Variants in IGSF22 observed in about 807,000 individuals in gnomAD.
The protein encoded by IGSF22 is immunoglobulin superfamily member 22.
In IGSF22, 119 loss-of-function variants were observed where a neutral mutation model predicts 127.0. The ratio of observed to expected loss-of-function variants is 0.94; its 90% CI spans 0.81 to 1.09. The LOEUF is 1.09. IGSF22 is among the 50% of genes least tolerant of loss of function. IGSF22 has a pLI of 0.00. For missense variants in IGSF22, 1,518 were observed against 1,716.6 expected (o/e 0.88, Z 2.04); for synonymous variants, 568 against 664.7 (o/e 0.85, Z 2.24).
At chr11:18,719,170 A>C (rs974278295) in intron 7 of IGSF22, among the ~76,000 whole-genome samples, 11 of 152,152 alleles carry the variant, frequency 7.2e-5, no homozygotes, top group African/African-American at 2.7e-4. Flanking sequence ...TTTGAGACGG[A>C]GTCTTGCTCT....
chr11:18,723,972 A>G (rs1848612150), intron 2 of IGSF22, among the ~76,000 whole-genome samples, 156 bp downstream of exon 2: 2 of 152,250 alleles, frequency 1.3e-5, no homozygotes, highest in Admixed American at 6.5e-5. Flanking sequence ...GCTTTAACAA[A>G]GCCAAGATTA....
chr11:18,721,995 G>A lies in IGSF22; in HGVS notation c.156C>T (p.Ser52=), dbSNP rs765875255. 73 of 1,613,954 alleles carry A rather than the reference G, an allele frequency of 4.5e-5. No individual in the cohort carries two copies. Among genetic ancestry groups the A allele is most frequent in the Non-Finnish European group, 5.8e-5 (69 of 1,180,038 alleles). Residue 52 remains serine, a synonymous_variant, in exon 3 of 23, where the codon AGC becomes AGT. Coordinates refer to ENST00000513874, the MANE Select transcript of IGSF22 (RefSeq NM_173588.4). The stretch of plus-strand genomic sequence containing the variant: ...GGATGTTTGAGCTCCGGGTCACTAA[G>A]CTGAAGAACTCCACTATGCTCGAGG... The part of the protein sequence containing the change: ...RKSSSIVEFF[S]LVTRSSNIPA...
chr11:18,706,706 G>A, intron 21 of IGSF22: 2 of 505,750 alleles, frequency 4.0e-6, no homozygotes, highest in South Asian at 7.1e-5. Flanking sequence ...GCCCCCAAAG[G>A]TACCTCCCCA....
Position 18,704,710 on chromosome 11 carries a change from G to A in IGSF22, c.3911-172C>T. On this transcript the variant is annotated intron_variant, in intron 22 of 22. Coordinates refer to ENST00000513874, the MANE Select transcript of IGSF22 (RefSeq NM_173588.4). ...GCCATTTATCTAGCACTTAATATTT[G>A]CCAGACATTGTGCCAGGCAGTTGTG... 8.3e-6 allele frequency: 5 copies of A among 602,138 alleles called. No homozygotes were observed. The South Asian group carries it at 9.3e-5, about 11-fold the overall frequency. The allele number at this position is 602,138 out of a possible 1,614,324, so 37.3% of individuals were successfully genotyped here. A position where few individuals can be genotyped will look rare whatever the true frequency, so the allele number is the denominator to read the frequency against.
rs1848248410 is a variant in IGSF22 at position 18,706,977 on chromosome 11, T to A, written c.3517A>T (p.Asn1173Tyr). The A allele has an allele frequency of 6.5e-7, 1 of 1,545,572 alleles. No individual in the cohort carries two copies. Among genetic ancestry groups the A allele is most frequent in the African/African-American group, 1.4e-5 (1 of 72,944 alleles). ...RKYYFRVVAR[N>Y]EIGDSEPLDS... ...AGTGGCTCACTGTCACCGATTTCAT[T>A]CCGAGCCACCACTCTGAAGTAGTAC... The change falls in exon 21 of 23, where the codon AAT becomes TAT. Residue 1173 changes from asparagine to tyrosine, a missense_variant. Asn to Tyr is a moderately radical substitution (Grantham distance 143). Transcript: ENST00000513874.
Position 18,704,494 on chromosome 11 carries a change from G to T in IGSF22, c.3955C>A (p.Gln1319Lys). 2 of 1,550,750 alleles carry T rather than the reference G, an allele frequency of 1.3e-6. No homozygotes were observed. Among genetic ancestry groups the T allele is most frequent in the Non-Finnish European group, 1.7e-6 (2 of 1,146,424 alleles). The part of the protein sequence containing the change: ...SVVASITESL[Q>K]KKSKHLM The stretch of plus-strand genomic sequence containing the variant: ...CACATGAGGTGCTTTGATTTCTTCT[G>T]CAGACTCTCGGTGATGGATGCTACA... The change falls in exon 23 of 23, where the codon CAG becomes AAG. Residue 1319 changes from glutamine (Q) to lysine (K), a missense_variant. Gln to Lys is a moderately conservative substitution (Grantham distance 53). This residue lies in a region of IGSF22 where 58 missense variants were observed against 53.0 expected (regional missense o/e 1.10). Transcript: ENST00000513874.
chr11:18,721,944 G>A lies in IGSF22; in HGVS notation c.207C>T (p.Phe69=). 3.1e-6 allele frequency: 5 copies of A among 1,613,812 alleles called. No homozygotes were observed. Among genetic ancestry groups the A allele is most frequent in the East Asian group, 2.2e-5 (1 of 44,860 alleles). The change falls in exon 3 of 23, where the codon TTC becomes TTT. Residue 69 remains phenylalanine, a synonymous_variant. Transcript: ENST00000513874. ...CGGTGACCGGTTGAGGCTTCTCCACGAACTCAGGGACGCTGTCGCCCGCAG... is the reference window on the plus strand; with the variant it reads ...CGGTGACCGGTTGAGGCTTCTCCACAAACTCAGGGACGCTGTCGCCCGCAG... ...NIPAGDSVPE[F]VEKPQPVTAP...
rs1178274355 is a variant in IGSF22, at chr11:18,704,867, CAGATTTG to C, written c.3911-336_3911-330del. On this transcript the variant is annotated intron_variant, in intron 22 of 22. Coordinates refer to ENST00000513874, the MANE Select transcript of IGSF22 (RefSeq NM_173588.4). ...TGGGCCCATTTGCTGTGCTTACAAGCAGATTTGAGTTATCAGGGATCTCTTTAGCTGT... is the reference window on the plus strand; with the variant it reads ...TGGGCCCATTTGCTGTGCTTACAAGCAGTTATCAGGGATCTCTTTAGCTGT... The C allele has an allele frequency of 2.7e-5, 8 of 298,612 alleles. No individual in the cohort carries two copies. The East Asian group carries it at 5.2e-4, about 19-fold the overall frequency. 18.5% of individuals were successfully genotyped at this position (298,612 alleles called of 1,614,324 possible). A position where few individuals can be genotyped will look rare whatever the true frequency, so the allele number is the denominator to read the frequency against.
intron 22 of IGSF22, chr11:18,704,854 C>A (rs373109786): frequency 3.1e-6 from 1 of 319,808 alleles, no homozygotes; most frequent in Non-Finnish European, 6.0e-6. Flanking sequence ...GGCCCATTTG[C>A]TGTGCTTACA....
chr11:18,721,848 G>T, intron 3 of IGSF22, 62 bp downstream of exon 3: 1 of 1,579,334 alleles, frequency 6.3e-7, no homozygotes. Flanking sequence ...AGGACGGAGG[G>T]TGGGGGCACT....
Position 18,712,216 on chromosome 11 carries a change from T to C in IGSF22, c.2264A>G (p.Asp755Gly). The C allele has an allele frequency of 6.4e-7, 1 of 1,551,732 alleles. No homozygotes were observed. The highest frequency in any genetic ancestry group is 8.7e-7 in the Non-Finnish European group (1 of 1,147,006). Reference protein sequence around the residue: ...KKSWIKIGEVDGKVTNFSTNK... With the variant: ...KKSWIKIGEVGGKVTNFSTNK... ...GGTGGAGAAGTTGGTGACTTTGCCG[T>C]CCACCTCGCCTATCTTAATCCAGGA... The change falls in exon 15 of 23, where the codon GAC becomes GGC. Residue 755 changes from aspartate to glycine, a missense_variant. Around this residue, in one of 3 missense-constraint regions of IGSF22, gnomAD observed 1,456 missense variants for 1,644.9 expected, o/e 0.89. Coordinates refer to ENST00000513874, the MANE Select transcript of IGSF22 (RefSeq NM_173588.4).
chr11:18,712,889 C>G (rs919655794), intron 14 of IGSF22, among the ~76,000 whole-genome samples: 2 of 152,186 alleles, frequency 1.3e-5, no homozygotes, highest in Admixed American at 1.3e-4. Flanking sequence ...GATGGAAATG[C>G]AGGTAGAGGA....
chr11:18,726,019 G>A (rs1329494112), intron 1 of IGSF22, 55 bp downstream of exon 1: 2 of 152,330 alleles, frequency 1.3e-5, no homozygotes, highest in African/African-American at 4.8e-5. Flanking sequence ...AGTCCCCTCT[G>A]GGCTCAGAAG....
At position 18,707,029 on chromosome 11, in the gene IGSF22, T is replaced by C. The variant is rs1590434348; in HGVS notation, c.3465A>G (p.Thr1155=). ...TCCTGCCTGGGAGCAGCCCCGTCAC[T>C]GTGTACTTGTTGCTGAAGACACGCT... ...AAERVFSNKY[T]VTGLLPGRKY... is the part of the protein sequence containing the mutation. The change falls in exon 21 of 23, where the codon ACA becomes ACG. Residue 1155 remains threonine (T), a synonymous_variant. Transcript: ENST00000513874. 6.4e-7 allele frequency: 1 copy of C among 1,551,660 alleles called. No individual in the cohort carries two copies. Among genetic ancestry groups the C allele is most frequent in the East Asian group, 2.4e-5 (1 of 40,920 alleles).
chr11:18,721,499 C>T (rs1007982016), intron 4 of IGSF22, 36 bp downstream of exon 4: 19 of 1,613,800 alleles, frequency 1.2e-5, no homozygotes, highest in Admixed American at 1.7e-5. Context: ...TGCCTCTGGC[C>T]TTCTCGGTAA....
chr11:18,714,437 C>T lies in IGSF22; in HGVS notation c.1657-19G>A. The T allele has an allele frequency of 6.2e-7, 1 of 1,613,922 alleles. No homozygotes were observed. Among genetic ancestry groups the T allele is most frequent in the South Asian group, 1.1e-5 (1 of 91,064 alleles). ...CCGTGATCTGGGGGTCAGGGGTGGG[C>T]CTGAGTGTGAGCATAGGCCAGGTCT... On this transcript the variant is annotated intron_variant, in intron 12 of 22. Coordinates refer to ENST00000513874, the MANE Select transcript of IGSF22 (RefSeq NM_173588.4).
intron 14 of IGSF22, among the ~76,000 whole-genome samples, chr11:18,712,669 C>T (rs1215733582): frequency 6.6e-6 from 1 of 152,222 alleles, no homozygotes; most frequent in Admixed American, 6.5e-5. Flanking sequence ...AGTTCTCCCC[C>T]TCTTCTGAGC....
Position 18,707,052 on chromosome 11 carries a change from G to A in IGSF22, c.3442C>T (p.Arg1148Cys), listed in dbSNP as rs767124973. The change falls in exon 21 of 23, where the codon CGT becomes TGT. Residue 1148 changes from arginine to cysteine, a missense_variant. Physicochemically the swap from Arg to Cys is radical, Grantham distance 180 (BLOSUM62 -3). Coordinates refer to ENST00000513874, the MANE Select transcript of IGSF22 (RefSeq NM_173588.4). ...ACTGTGTACTTGTTGCTGAAGACAC[G>A]CTCGGCTGCCGTGTACCAGGTGGCT... ...STATWYTAAE[R>C]VFSNKYTVTG... is the part of the protein sequence containing the mutation. The A allele has an allele frequency of 1.3e-6, 2 of 1,551,696 alleles. No homozygotes were observed. The highest frequency in any genetic ancestry group is 1.2e-5 in the South Asian group (1 of 84,048).
chr11:18,710,534 G>A (rs1848333268), intron 16 of IGSF22, 79 bp from the exon 17 acceptor site: 3 of 1,592,826 alleles, frequency 1.9e-6, no homozygotes, highest in South Asian at 2.2e-5. Flanking sequence ...TAGAAGAGGA[G>A]GTCATGGGAT....
Sources: allele counts gnomAD v4.1 joint callset (sites outside exome capture counted in the v4.1 genomes callset), GRCh38; gene constraint gnomAD v4.1.1; regional missense constraint gnomAD v4.1.1; transcripts MANE v1.5; gene names NCBI Gene and HGNC (gene_info 2026-07-23, HGNC 2026-07-21).